The following SLC6A6 variants were observed in gnomAD, a reference collection of about 807,000 sequenced individuals.
SLC6A6 encodes the protein sodium- and chloride-dependent taurine transporter.
SLC6A6 carries 16 observed loss-of-function variants against 68.8 expected under a neutral mutation model. The observed-to-expected ratio is 0.23, with a 90% CI of 0.16 to 0.35. The LOEUF is 0.35. Among genes scored for constraint, SLC6A6 ranks in the 10% least tolerant of loss-of-function variants. The pLI is 1.00. For synonymous variants in SLC6A6, 312 were observed against 315.4 expected, an observed-to-expected ratio of 0.99 and a Z score of 0.12; for missense variants, 474 against 802.8, an observed-to-expected ratio of 0.59 and a Z score of 4.95.
chr3:14,462,902 C>T (rs959934234), intron 6 of SLC6A6, among the ~76,000 whole-genome samples: 4 of 152,074 alleles, frequency 2.6e-5, no homozygotes, highest in Non-Finnish European at 4.4e-5. Flanking sequence ...TCTCTTTGTC[C>T]GGCACCTGTG....
At chr3:14,437,399 A>G (rs541561733) in intron 2 of SLC6A6, among the ~76,000 whole-genome samples, 3 of 152,256 alleles carry the variant, frequency 2.0e-5, no homozygotes, top group Non-Finnish European at 2.9e-5. Context: ...CTGGGACTAC[A>G]GGCATGTGCC....
chr3:14,481,627 C>G lies in SLC6A6; in HGVS notation c.1552-44C>G, dbSNP rs761871791. ...CTAGTCCCAGAAGCCCCCCACCCCC[C>G]GATGCCCAGGACCCCTCTCCTGACT... On this transcript the variant is annotated intron_variant, in intron 13 of 14. Transcript: ENST00000622186. The surrounding 1 kb of genome is among the most constrained non-coding windows in gnomAD (Gnocchi z 4.7). 10 of 1,422,424 alleles carry G rather than the reference C, an allele frequency of 7.0e-6. No homozygotes were observed. In the Admixed American group the frequency reaches 9.1e-5, roughly 13 times the overall value. 88.1% of individuals were successfully genotyped at this position (1,422,424 alleles called of 1,614,324 possible).
In SLC6A6 at chr3:14,472,809, G is replaced by A. The variant is rs886586652; in HGVS notation, c.1209+492G>A. Reference sequence around the variant, plus strand: ...TGGGCCATCGTAATAAGTTGCAAGTGCCCAGGAGAAGCCTACGCCACACTC... The same window carrying A: ...TGGGCCATCGTAATAAGTTGCAAGTACCCAGGAGAAGCCTACGCCACACTC... On this transcript the variant is annotated intron_variant, in intron 10 of 14. Transcript: ENST00000622186. The surrounding 1 kb of genome is among the most constrained non-coding windows in gnomAD (Gnocchi z 4.5). 3.3e-5 allele frequency among the ~76,000 whole-genome samples: 5 copies of A among 152,348 alleles called. No individual in the cohort carries two copies. The highest frequency in any genetic ancestry group is 9.6e-5 in the African/African-American group (4 of 41,578).
At position 14,477,433 on chromosome 3, in the gene SLC6A6, G is replaced by A; in HGVS notation, c.1347+91G>A. 7.6e-7 allele frequency: 1 copy of A among 1,320,042 alleles called. No individual in the cohort carries two copies. Among genetic ancestry groups the A allele is most frequent in the Non-Finnish European group, 1.1e-6 (1 of 932,430 alleles). 81.8% of individuals were successfully genotyped at this position (1,320,042 alleles called of 1,614,324 possible). Reference sequence around the variant, plus strand: ...AGGCAGCAGCTGGGTGAGAGGGCCAGGTAGGGGCTTCATCTCCCAGCCCCA... The same window carrying A: ...AGGCAGCAGCTGGGTGAGAGGGCCAAGTAGGGGCTTCATCTCCCAGCCCCA... On this transcript the variant is annotated intron_variant, in intron 11 of 14. Transcript: ENST00000622186. The surrounding 1 kb of genome is among the most constrained non-coding windows in gnomAD (Gnocchi z 4.2).
intron 1 of SLC6A6, among the ~76,000 whole-genome samples, chr3:14,410,176 CAAAAAAAA>C (rs145587348): frequency 3.1e-4 from 19 of 60,750 alleles, no homozygotes; most frequent in African/African-American, 9.3e-4. Flanking sequence ...GACTCCATCT[CAAAAAAAA>C]AAAAAAAAAA....
chr3:14,410,425 A>G (rs1313667476), intron 1 of SLC6A6, among the ~76,000 whole-genome samples: 1 of 152,138 alleles, frequency 6.6e-6, no homozygotes, highest in Non-Finnish European at 1.5e-5. Flanking sequence ...GACTCCTTAC[A>G]GTTTGGCTGC....
At chr3:14,420,898 C>T (rs748054404) in intron 2 of SLC6A6, among the ~76,000 whole-genome samples, 52 of 152,328 alleles carry the variant, frequency 3.4e-4, no homozygotes, top group African/African-American at 8.2e-4. Context: ...GCCAATTTCC[C>T]GAACTTTTTT....
chr3:14,426,968 G>A (rs1344700950), intron 2 of SLC6A6, among the ~76,000 whole-genome samples: 52 of 152,160 alleles, frequency 3.4e-4, no homozygotes, highest in Admixed American at 3.2e-3. Flanking sequence ...TCTGGCTTTA[G>A]TTCTGCTGCA....
chr3:14,460,228 A>G (rs578076892), intron 6 of SLC6A6, among the ~76,000 whole-genome samples: 38 of 152,286 alleles, frequency 2.5e-4, no homozygotes, highest in Admixed American at 4.6e-4. Context: ...GCAGTGGTTC[A>G]CAAAACAGAC....
chr3:14,443,680 G>C lies in SLC6A6; in HGVS notation c.46G>C (p.Asp16His). 1 of 1,614,164 alleles carries C rather than the reference G, an allele frequency of 6.2e-7. No homozygotes were observed. The highest frequency in any genetic ancestry group is 1.1e-5 in the South Asian group (1 of 91,082). The change falls in exon 3 of 15, where the codon GAC (aspartate) becomes CAC (histidine). Residue 16 changes from aspartate (D) to histidine (H), a missense_variant. Transcript: ENST00000622186. ...KLQCLKDFHK[D>H]ILKPSPGKSP... is the part of the protein sequence containing the mutation. ...GCAGTGTCTGAAAGATTTCCACAAG[G>C]ACATCCTGAAGCCCTCACCAGGGAA...
intron 6 of SLC6A6, among the ~76,000 whole-genome samples, chr3:14,459,883 CTTTTTTTTT>C (rs869191764): frequency 5.0e-5 from 2 of 40,180 alleles, no homozygotes; most frequent in Non-Finnish European, 4.7e-5. Flanking sequence ...TAATTCTCTT[CTTTTTTTTT>C]TTTTTTTTTT....
At chr3:14,475,583 C>G (rs900685095) in intron 10 of SLC6A6, among the ~76,000 whole-genome samples, 1 of 152,146 alleles carries the variant, frequency 6.6e-6, no homozygotes, top group Non-Finnish European at 1.5e-5. Flanking sequence ...GCTGAAGAGG[C>G]TGGTGGAGAA....
At chr3:14,435,424 C>T (rs954551157) in intron 2 of SLC6A6, among the ~76,000 whole-genome samples, 2 of 152,162 alleles carry the variant, frequency 1.3e-5, no homozygotes, top group African/African-American at 2.4e-5. Context: ...GGACCTCACC[C>T]GAGGATGCTG....
chr3:14,429,079 C>T (rs940997253), intron 2 of SLC6A6, among the ~76,000 whole-genome samples: 4 of 152,194 alleles, frequency 2.6e-5, no homozygotes, highest in Non-Finnish European at 5.9e-5. Flanking sequence ...CAAGGCTTCT[C>T]CCCCCAGTCT....
intron 2 of SLC6A6, among the ~76,000 whole-genome samples, chr3:14,416,843 A>G (rs1040231612): frequency 6.6e-6 from 1 of 152,178 alleles, no homozygotes; most frequent in Non-Finnish European, 1.5e-5. Flanking sequence ...TGTCTCTGTT[A>G]AAGGTTTGTT....
chr3:14,410,637 C>T (rs891141866), intron 1 of SLC6A6, among the ~76,000 whole-genome samples: 1 of 152,236 alleles, frequency 6.6e-6, no homozygotes, highest in East Asian at 1.9e-4. Flanking sequence ...AGGCAGAGGG[C>T]TGAGCCCTCA....
Position 14,443,727 on chromosome 3 carries a change from G to A in SLC6A6, c.93G>A (p.Glu31=). 1 of 1,614,162 alleles carries A rather than the reference G, an allele frequency of 6.2e-7. No individual in the cohort carries two copies. Among genetic ancestry groups the A allele is most frequent in the East Asian group, 2.2e-5 (1 of 44,882 alleles). Residue 31 remains glutamate (E), a synonymous_variant, in exon 3 of 15, where the codon GAG becomes GAA. Transcript: ENST00000622186. ...GGAAGAGCCCAGGCACGCGGCCTGA[G>A]GACGAGGCTGAGGGAAAACCTCCGC... ...SPGKSPGTRP[E]DEAEGKPPQR... is the part of the protein sequence containing the mutation.
rs1245695542 is a variant in SLC6A6, at chr3:14,468,896, T to C, written c.1096+684T>C. On this transcript the variant is annotated intron_variant, in intron 9 of 14. Coordinates refer to ENST00000622186, the MANE Select transcript of SLC6A6 (RefSeq NM_003043.6). This position sits in a 1 kb window ranked among gnomAD's most constrained non-coding sequence, Gnocchi z 4.5. ...CATGGAGGATGCCAGTGGCTTAGAA[T>C]CACGGACTCTGCACAGACGGGGAAC... Among the ~76,000 whole-genome samples, 1 of 152,032 alleles carries C rather than the reference T, an allele frequency of 6.6e-6. No homozygotes were observed. Among genetic ancestry groups the C allele is most frequent in the South Asian group, 2.1e-4 (1 of 4,826 alleles).
intron 10 of SLC6A6, among the ~76,000 whole-genome samples, chr3:14,475,846 G>T (rs546530551): frequency 3.0e-4 from 46 of 152,306 alleles, no homozygotes; most frequent in Middle Eastern, 6.8e-3. Flanking sequence ...CTCTTCTCTT[G>T]GATCCCTCTT....
Sources: gnomAD v4.1 joint callset for allele counts (sites outside exome capture counted in the v4.1 genomes callset) on GRCh38, gnomAD v4.1.1 for gene constraint, Gnocchi (gnomAD v3.1) non-coding constraint, MANE v1.5 for transcripts, NCBI Gene and HGNC (gene_info 2026-07-23, HGNC 2026-07-21) for gene names.